KRTAP9-4: variants seen among roughly 807,000 people sequenced by gnomAD.
The protein encoded by KRTAP9-4 is keratin-associated protein 9-4.
A neutral mutation model predicts 12.7 loss-of-function variants in KRTAP9-4; 8 were observed. The observed-to-expected ratio is 0.63, with a 90% CI of 0.37 to 1.14. The LOEUF (loss-of-function observed/expected upper bound fraction) is 1.14. KRTAP9-4 is among the 50% of genes most tolerant of loss of function. The pLI, the probability that KRTAP9-4 is intolerant of heterozygous loss-of-function variation, is 0.01. For missense variants in KRTAP9-4, 188 were observed against 189.1 expected (o/e 0.99, Z 0.03); for synonymous variants, 81 against 67.3 (o/e 1.20, Z -1.00).
rs1177358116 is a variant in KRTAP9-4 at position 41,250,035 on chromosome 17, C to G, written c.315C>G (p.Cys105Trp). 2 of 1,613,998 alleles carry G rather than the reference C, an allele frequency of 1.2e-6. No individual in the cohort carries two copies. The highest frequency in any genetic ancestry group is 1.1e-5 in the South Asian group (1 of 91,080). ...CACCTGTGTACTGCAGAAGAACCTG[C>G]TACTACCCCACAACTGTCTGCCTGC... is the stretch of plus-strand genomic sequence containing the variant. ...SCAPVYCRRT[C>W]YYPTTVCLPG... is the part of the protein sequence containing the mutation. Residue 105 changes from cysteine to tryptophan, a missense_variant, in exon 1 of 1, where the codon TGC becomes TGG. By Grantham distance (215) the Cys-to-Trp change is radical. Coordinates refer to ENST00000334109, the MANE Select transcript of KRTAP9-4 (RefSeq NM_033191.3).
Position 41,249,936 on chromosome 17 carries a change from G to A in KRTAP9-4, c.216G>A (p.Gln72=). Residue 72 remains glutamine (Q), a synonymous_variant, in exon 1 of 1, where the codon CAG becomes CAA. Coordinates refer to ENST00000334109, the MANE Select transcript of KRTAP9-4 (RefSeq NM_033191.3). ...CCACCTGTGTGACCAGCTGCTGCCA[G>A]CCTTCCTGCTGCAGCACACCCTGCT... ...CQPTCVTSCC[Q]PSCCSTPCCQ... is the part of the protein sequence containing the mutation. 1 of 1,613,422 alleles carries A rather than the reference G, an allele frequency of 6.2e-7. No individual in the cohort carries two copies. The highest frequency in any genetic ancestry group is 2.2e-5 in the East Asian group (1 of 44,804).
At position 41,250,044 on chromosome 17, in the gene KRTAP9-4, C is replaced by G. The variant is rs745885577; in HGVS notation, c.324C>G (p.Pro108=). 4.1e-5 allele frequency: 66 copies of G among 1,613,992 alleles called. No individual in the cohort carries two copies. The highest frequency in any genetic ancestry group is 1.7e-5 in the Admixed American group (1 of 59,992). Residue 108 remains proline (P), a synonymous_variant, in exon 1 of 1, where the codon CCC becomes CCG. Transcript: ENST00000334109. ...PVYCRRTCYY[P]TTVCLPGCLN... Reference sequence around the variant, plus strand: ...ACTGCAGAAGAACCTGCTACTACCCCACAACTGTCTGCCTGCCTGGTTGCC... The same window carrying G: ...ACTGCAGAAGAACCTGCTACTACCCGACAACTGTCTGCCTGCCTGGTTGCC...
rs1488083342 is a variant in KRTAP9-4 at position 41,250,262 on chromosome 17, A to C, written c.*77A>C. 15 of 1,576,584 alleles carry C rather than the reference A, an allele frequency of 9.5e-6. No homozygotes were observed. Among genetic ancestry groups the C allele is most frequent in the Non-Finnish European group, 1.2e-5 (14 of 1,153,980 alleles). ...ACTTATCTTTTGGGGGACTAATTTA[A>C]TTTGCTGCTGACAGCCACCATGCTC... On this transcript the variant is annotated 3_prime_UTR_variant, in exon 1 of 1. Transcript: ENST00000334109.
rs781493367 is a variant in KRTAP9-4 at position 41,249,705 on chromosome 17, C to T, written c.-16C>T. 1.3e-6 allele frequency: 2 copies of T among 1,588,488 alleles called. No homozygotes were observed. Among genetic ancestry groups the T allele is most frequent in the African/African-American group, 2.7e-5 (2 of 74,836 alleles). On this transcript the variant is annotated 5_prime_UTR_variant, in exon 1 of 1. Transcript: ENST00000334109. ...ACTCACCTCTGAACAGAAGCCCACC[C>T]TCTACCCCTGACACCATGACCCACT...
rs762486166 is a variant in KRTAP9-4 at position 41,250,235 on chromosome 17, T to C, written c.*50T>C. ...CTCACACAACAACTTTCTGCTCAAC[T>C]GACTTATCTTTTGGGGGACTAATTT... On this transcript the variant is annotated 3_prime_UTR_variant, in exon 1 of 1. Coordinates refer to ENST00000334109, the MANE Select transcript of KRTAP9-4 (RefSeq NM_033191.3). The C allele has an allele frequency of 3.1e-6, 5 of 1,607,786 alleles. No individual in the cohort carries two copies. The South Asian group carries it at 5.5e-5, about 18-fold the overall frequency.
Position 41,250,098 on chromosome 17 carries a change from C to T in KRTAP9-4, c.378C>T (p.Cys126=), listed in dbSNP as rs758276016. The part of the protein sequence containing the change: ...CLNQSCGSNC[C]QPCCRPACCE... Reference sequence around the variant, plus strand: ...ACCAGAGCTGTGGCTCCAACTGCTGCCAGCCCTGCTGCCGCCCAGCCTGCT... The same window carrying T: ...ACCAGAGCTGTGGCTCCAACTGCTGTCAGCCCTGCTGCCGCCCAGCCTGCT... The change falls in exon 1 of 1, where the codon TGC becomes TGT. Residue 126 remains cysteine, a synonymous_variant. Transcript: ENST00000334109. 1.2e-5 allele frequency: 19 copies of T among 1,613,944 alleles called. No individual in the cohort carries two copies. The highest frequency in any genetic ancestry group is 1.7e-5 in the Admixed American group (1 of 60,006).
In KRTAP9-4 at chr17:41,250,014, T is replaced by C; in HGVS notation, c.294T>C (p.Pro98=). The C allele has an allele frequency of 6.2e-7, 1 of 1,613,968 alleles. No homozygotes were observed. Among genetic ancestry groups the C allele is most frequent in the Non-Finnish European group, 8.5e-7 (1 of 1,180,006 alleles). Residue 98 remains proline (P), a synonymous_variant, in exon 1 of 1, where the codon CCT becomes CCC. Transcript: ENST00000334109. ...GTGACCAGAGCAGCTCCTGTGCACC[T>C]GTGTACTGCAGAAGAACCTGCTACT... ...SSCDQSSSCA[P]VYCRRTCYYP...
chr17:41,250,647 A>G lies in KRTAP9-4; in HGVS notation c.*462A>G, dbSNP rs1330996053. On this transcript the variant is annotated 3_prime_UTR_variant, in exon 1 of 1. Transcript: ENST00000334109. Reference sequence around the variant, plus strand: ...TATGTTTCTGAATAAACTCTGAACCATCCTCATCTCATATGGTGTTTTGTT... The same window carrying G: ...TATGTTTCTGAATAAACTCTGAACCGTCCTCATCTCATATGGTGTTTTGTT... 4.2e-6 allele frequency: 1 copy of G among 239,688 alleles called. No individual in the cohort carries two copies. The highest frequency in any genetic ancestry group is 8.8e-6 in the Non-Finnish European group (1 of 114,260). 14.8% of individuals were successfully genotyped at this position (239,688 alleles called of 1,614,324 possible).
chr17:41,250,170 GC>G, the KRTAP9-4 span: 3 of 1,614,254 alleles, frequency 1.9e-6, no homozygotes, highest in Non-Finnish European at 1.7e-6. Flanking sequence ...GCTGCTGTCA[GC>G]CTTTTTGCTG....
rs111927217 is a variant in KRTAP9-4, at chr17:41,250,209, C to A, written c.*24C>A. On this transcript the variant is annotated 3_prime_UTR_variant, in exon 1 of 1. Coordinates refer to ENST00000334109, the MANE Select transcript of KRTAP9-4 (RefSeq NM_033191.3). ...GATCAAGTCCCAAGAGAACCACCATCCTCACACAACAACTTTCTGCTCAAC... is the reference window on the plus strand; with the variant it reads ...GATCAAGTCCCAAGAGAACCACCATACTCACACAACAACTTTCTGCTCAAC... 32,102 of 1,323,254 alleles carry A rather than the reference C, an allele frequency of 0.024. No homozygotes were observed. Among genetic ancestry groups the A allele is most frequent in the East Asian group, 0.053 (1,610 of 30,364 alleles). 82.0% of individuals were successfully genotyped at this position (1,323,254 alleles called of 1,614,324 possible).
rs768908179 is a variant in KRTAP9-4, at chr17:41,250,119, C to T, written c.399C>T (p.Ala133=). The change falls in exon 1 of 1, where the codon GCC becomes GCT. Residue 133 remains alanine, a synonymous_variant. Coordinates refer to ENST00000334109, the MANE Select transcript of KRTAP9-4 (RefSeq NM_033191.3). ...SNCCQPCCRP[A]CCETTCFQPT... is the part of the protein sequence containing the mutation. ...GCTGCCAGCCCTGCTGCCGCCCAGC[C>T]TGCTGTGAGACCACTTGCTTCCAGC... 10 of 1,613,836 alleles carry T rather than the reference C, an allele frequency of 6.2e-6. No individual in the cohort carries two copies. The highest frequency in any genetic ancestry group is 8.5e-6 in the Non-Finnish European group (10 of 1,179,962).
Position 41,250,156 on chromosome 17 carries a change from T to A in KRTAP9-4, c.436T>A (p.Ser146Thr). 1 of 1,614,218 alleles carries A rather than the reference T, an allele frequency of 6.2e-7. No individual in the cohort carries two copies. Among genetic ancestry groups the A allele is most frequent in the Non-Finnish European group, 8.5e-7 (1 of 1,180,032 alleles). The change falls in exon 1 of 1, where the codon TCC becomes ACC. Residue 146 changes from serine to threonine, a missense_variant. Transcript: ENST00000334109. ...ETTCFQPTCV[S>T]SCCQPFCC ...CACTTGCTTCCAGCCCACCTGTGTG[T>A]CCAGCTGCTGTCAGCCTTTTTGCTG...
At position 41,249,992 on chromosome 17, in the gene KRTAP9-4, A is replaced by G. The variant is rs763249226; in HGVS notation, c.272A>G (p.Asp91Gly). The G allele has an allele frequency of 1.5e-5, 24 of 1,612,982 alleles. No individual in the cohort carries two copies. The highest frequency in any genetic ancestry group is 4.5e-5 in the East Asian group (2 of 44,812). ...CCCACCTGCTGTGGGTCCAGCTGTG[A>G]CCAGAGCAGCTCCTGTGCACCTGTG... ...CQPTCCGSSC[D>G]QSSSCAPVYC... The change falls in exon 1 of 1, where the codon GAC (aspartate) becomes GGC (glycine). Residue 91 changes from aspartate (D) to glycine (G), a missense_variant. Coordinates refer to ENST00000334109, the MANE Select transcript of KRTAP9-4 (RefSeq NM_033191.3).
At position 41,250,229 on chromosome 17, in the gene KRTAP9-4, C is replaced by A; in HGVS notation, c.*44C>A. On this transcript the variant is annotated 3_prime_UTR_variant, in exon 1 of 1. Transcript: ENST00000334109. ...ACCATCCTCACACAACAACTTTCTG[C>A]TCAACTGACTTATCTTTTGGGGGAC... The A allele has an allele frequency of 1.2e-6, 2 of 1,609,952 alleles. No homozygotes were observed. The highest frequency in any genetic ancestry group is 1.7e-6 in the Non-Finnish European group (2 of 1,176,546).
rs771532661 is a variant in KRTAP9-4 at position 41,249,814 on chromosome 17, T to G, written c.94T>G (p.Cys32Gly). 1 of 1,612,932 alleles carries G rather than the reference T, an allele frequency of 6.2e-7. No homozygotes were observed. Among genetic ancestry groups the G allele is most frequent in the Non-Finnish European group, 8.5e-7 (1 of 1,179,962 alleles). The change falls in exon 1 of 1, where the codon TGC becomes GGC. Residue 32 changes from cysteine to glycine, a missense_variant. Physicochemically the swap from Cys to Gly is radical, Grantham distance 159. Transcript: ENST00000334109. The stretch of plus-strand genomic sequence containing the variant: ...CTGGAAGCCCACCACTGTGACCACC[T>G]GCAGCAGCACACCCTGCTGCCAGCC... ...TCWKPTTVTT[C>G]SSTPCCQPSC...
rs142016041 is a variant in KRTAP9-4, at chr17:41,249,979, G to T, written c.259G>T (p.Gly87Trp). Residue 87 changes from glycine (G) to tryptophan (W), a missense_variant, in exon 1 of 1, where the codon GGG becomes TGG. Transcript: ENST00000334109. ...ACCCTGCTGCCAGCCCACCTGCTGT[G>T]GGTCCAGCTGTGACCAGAGCAGCTC... is the stretch of plus-strand genomic sequence containing the variant. ...STPCCQPTCCGSSCDQSSSCA... is the reference protein window; with the variant it reads ...STPCCQPTCCWSSCDQSSSCA... The T allele has an allele frequency of 4.9e-3, 7,859 of 1,613,368 alleles. 29 individuals carry two copies. The highest frequency in any genetic ancestry group is 5.5e-3 in the Non-Finnish European group (6,476 of 1,179,954).
At position 41,250,001 on chromosome 17, in the gene KRTAP9-4, G is replaced by C. The variant is rs138384826; in HGVS notation, c.281G>C (p.Ser94Thr). 2.5e-6 allele frequency: 4 copies of C among 1,613,602 alleles called. No homozygotes were observed. The highest frequency in any genetic ancestry group is 3.4e-6 in the Non-Finnish European group (4 of 1,180,018). The change falls in exon 1 of 1, where the codon AGC becomes ACC. Residue 94 changes from serine to threonine, a missense_variant. By Grantham distance (58) the Ser-to-Thr change is moderately conservative. Transcript: ENST00000334109. ...TCCGSSCDQS[S>T]SCAPVYCRRT... ...TGTGGGTCCAGCTGTGACCAGAGCAGCTCCTGTGCACCTGTGTACTGCAGA... is the reference window on the plus strand; with the variant it reads ...TGTGGGTCCAGCTGTGACCAGAGCACCTCCTGTGCACCTGTGTACTGCAGA...
Position 41,250,478 on chromosome 17 carries a change from A to G in KRTAP9-4, c.*293A>G. ...GTCAAGAGCTTCATTCTCTGCTTCT[A>G]AGGAATTTAGGTTTCTGCAACTGAT... On this transcript the variant is annotated 3_prime_UTR_variant, in exon 1 of 1. Transcript: ENST00000334109. 1 of 627,988 alleles carries G rather than the reference A, an allele frequency of 1.6e-6. No homozygotes were observed. The allele number at this position is 627,988 out of a possible 1,614,324, so 38.9% of individuals were successfully genotyped here.
chr17:41,249,842 C>T lies in KRTAP9-4; in HGVS notation c.122C>T (p.Ser41Phe). ...AGCAGCACACCCTGCTGCCAGCCCT[C>T]CTGCTGTGTTTCCAGCTGCTGCCAG... ...TCSSTPCCQP[S>F]CCVSSCCQPC... The change falls in exon 1 of 1, where the codon TCC (serine) becomes TTC (phenylalanine). Residue 41 changes from serine (S) to phenylalanine (F), a missense_variant. Ser to Phe is a radical substitution (Grantham distance 155, BLOSUM62 -2). Coordinates refer to ENST00000334109, the MANE Select transcript of KRTAP9-4 (RefSeq NM_033191.3). 6.5e-7 allele frequency: 1 copy of T among 1,543,610 alleles called. No individual in the cohort carries two copies. The highest frequency in any genetic ancestry group is 2.3e-5 in the East Asian group (1 of 43,192).
Sources: allele counts gnomAD v4.1 joint callset, GRCh38; gene constraint gnomAD v4.1.1; transcripts MANE v1.5; gene names NCBI Gene and HGNC (gene_info 2026-07-23, HGNC 2026-07-21).